The following SSX2IP variants were observed in gnomAD, a reference collection of about 807,000 sequenced individuals.
SSX2IP encodes SSX family member 2 interacting protein.
Under a neutral mutation model 84.9 loss-of-function variants are expected in SSX2IP, and 55 were observed. That is an observed-to-expected ratio of 0.65 (90% CI 0.52 to 0.81). The LOEUF (loss-of-function observed/expected upper bound fraction) is 0.81, where lower values mean the gene tolerates loss of function less well. SSX2IP is among the 30% of genes least tolerant of loss of function. The probability of loss-of-function intolerance (pLI) is 0.00; values close to 1 mark genes in which losing one functional copy is unlikely to be tolerated. For synonymous variants in SSX2IP, 239 were observed against 234.7 expected (o/e 1.02, Z -0.17); for missense variants, 664 against 705.2 (o/e 0.94, Z 0.66).
At chr1:84,667,830 T>G (rs1652975556) in intron 4 of SSX2IP, among the ~76,000 whole-genome samples, 1 of 152,122 alleles carries the variant, frequency 6.6e-6, no homozygotes, top group Admixed American at 6.6e-5. Context: ...AGGTGTTACC[T>G]CTCCATGAAG....
intron 11 of SSX2IP, among the ~76,000 whole-genome samples, chr1:84,653,986 C>T (rs1427093764): frequency 1.3e-5 from 2 of 151,852 alleles, no homozygotes; most frequent in Non-Finnish European, 2.9e-5. Flanking sequence ...GTGGCTAAAG[C>T]AAATAATAAA....
intron 2 of SSX2IP, 151 bp downstream of exon 2, chr1:84,671,026 T>C (rs1653497425): frequency 1.0e-6 from 1 of 1,003,198 alleles, no homozygotes; most frequent in African/African-American, 1.6e-5. Flanking sequence ...AATACAGTGG[T>C]GTTCTCAGTA....
intron 6 of SSX2IP, among the ~76,000 whole-genome samples, chr1:84,663,285 A>G (rs1363312137): frequency 6.6e-6 from 1 of 152,230 alleles, no homozygotes; most frequent in African/African-American, 2.4e-5. Flanking sequence ...ACCAGGAAAC[A>G]GCCAGACCGC....
intron 7 of SSX2IP, 33 bp from the exon 8 acceptor site, chr1:84,662,408 G>C: frequency 6.2e-7 from 1 of 1,609,624 alleles, no homozygotes; most frequent in Non-Finnish European, 8.5e-7. Flanking sequence ...GAAAATGCAG[G>C]ATAGAAGGAA....
chr1:84,650,626 G>A, intron 12 of SSX2IP, 99 bp from the exon 13 acceptor site: 3 of 1,257,834 alleles, frequency 2.4e-6, no homozygotes, highest in Non-Finnish European at 3.4e-6. Flanking sequence ...GGTTCTGAGT[G>A]AGGAAAGAGA....
rs3768246 is a variant in SSX2IP at position 84,657,901 on chromosome 1, A to C, written c.1078+417T>G. 1.4e-3 allele frequency among the ~76,000 whole-genome samples: 216 copies of C among 152,292 alleles called. 7 individuals carry two copies. The East Asian group carries it at 0.036, about 25-fold the overall frequency. Reference sequence around the variant, plus strand: ...TAATCCAGACACTCTGGGGAGGCCAAGGCAGGTGAATCACTTGAGGCCAGG... The same window carrying C: ...TAATCCAGACACTCTGGGGAGGCCACGGCAGGTGAATCACTTGAGGCCAGG... On this transcript the variant is annotated intron_variant, in intron 9 of 13. Coordinates refer to ENST00000342203, the MANE Select transcript of SSX2IP (RefSeq NM_001166293.2).
At chr1:84,655,271 T>G (rs1650908657) in intron 11 of SSX2IP, 1 of 1,016,166 alleles carries the variant, frequency 9.8e-7, no homozygotes, top group South Asian at 2.7e-5. Context: ...AGGAGGATAC[T>G]TTCTTACTTT....
intron 1 of SSX2IP, among the ~76,000 whole-genome samples, chr1:84,680,636 C>T (rs554713012): frequency 6.6e-6 from 1 of 151,580 alleles, no homozygotes; most frequent in South Asian, 2.1e-4. Flanking sequence ...CTAATATGAG[C>T]TTATTTAGTC....
Position 84,656,228 on chromosome 1 carries a change from A to T in SSX2IP, c.1215+120T>A, listed in dbSNP as rs893151979. On this transcript the variant is annotated intron_variant, in intron 10 of 13. Coordinates refer to ENST00000342203, the MANE Select transcript of SSX2IP (RefSeq NM_001166293.2). ...CACAATGTATCTGTTAGCAGGGAAC[A>T]CAGACTAGAAATCTGTCAAATACCA... The T allele has an allele frequency of 3.7e-6, 4 of 1,091,886 alleles. No homozygotes were observed. The Admixed American group carries it at 7.9e-5, about 22-fold the overall frequency. The allele number at this position is 1,091,886 out of a possible 1,614,324, so 67.6% of individuals were successfully genotyped here. A position where few individuals can be genotyped will look rare whatever the true frequency, so the allele number is the denominator to read the frequency against.
chr1:84,660,977 G>GA (rs935642206), intron 8 of SSX2IP, among the ~76,000 whole-genome samples: 2 of 149,938 alleles, frequency 1.3e-5, no homozygotes, highest in African/African-American at 4.9e-5. Flanking sequence ...TGAGGCAGAG[G>GA]AATCACTTGA....
Position 84,669,760 on chromosome 1 carries a change from G to A in SSX2IP, c.347C>T (p.Ala116Val). ...ATTCTGTGTCTCCACATTTTCCTGA[G>A]CTAGAAGGTTCTTCCGCTGAAGCAC... Reference protein sequence around the residue: ...LLVLQRKNLLAQENVETQNLK... With the variant: ...LLVLQRKNLLVQENVETQNLK... Residue 116 changes from alanine to valine, a missense_variant, in exon 4 of 14, where the codon GCT (alanine) becomes GTT (valine). Coordinates refer to ENST00000342203, the MANE Select transcript of SSX2IP (RefSeq NM_001166293.2). 6.2e-7 allele frequency: 1 copy of A among 1,613,778 alleles called. No individual in the cohort carries two copies. Among genetic ancestry groups the A allele is most frequent in the Non-Finnish European group, 8.5e-7 (1 of 1,179,808 alleles).
At position 84,650,361 on chromosome 1, in the gene SSX2IP, C is replaced by T. The variant is rs763645382; in HGVS notation, c.1670+1G>A. 6 of 1,614,102 alleles carry T rather than the reference C, an allele frequency of 3.7e-6. No homozygotes were observed. Among genetic ancestry groups the T allele is most frequent in the Non-Finnish European group, 5.1e-6 (6 of 1,180,014 alleles). ...TGAAAAGATCACCTATAGACAAATA[C>T]CTATGTTCAGATATGCAGGAACGTG... is the stretch of plus-strand genomic sequence containing the variant. On this transcript the variant is annotated splice_donor_variant, in intron 13 of 13. Coordinates refer to ENST00000342203, the MANE Select transcript of SSX2IP (RefSeq NM_001166293.2). LOFTEE classifies it high-confidence loss of function.
chr1:84,650,584 G>T, intron 12 of SSX2IP, 57 bp from the exon 13 acceptor site: 2 of 1,576,854 alleles, frequency 1.3e-6, no homozygotes, highest in Non-Finnish European at 1.7e-6. Flanking sequence ...ATTAAATATA[G>T]TGAAGGTAAA....
intron 1 of SSX2IP, among the ~76,000 whole-genome samples, chr1:84,673,826 T>A (rs1446751568): frequency 6.6e-6 from 1 of 152,176 alleles, no homozygotes; most frequent in African/African-American, 2.4e-5. Flanking sequence ...TGATGTTACA[T>A]GTCATATTAC....
At chr1:84,647,896 G>T (rs183331670) in intron 13 of SSX2IP, among the ~76,000 whole-genome samples, 1 of 151,826 alleles carries the variant, frequency 6.6e-6, no homozygotes, top group Admixed American at 6.6e-5. Context: ...AAATTAGCTG[G>T]GAGTAGTAGT....
In SSX2IP at chr1:84,650,500, T is replaced by C. The variant is rs745791525; in HGVS notation, c.1532A>G (p.His511Arg). 1.5e-5 allele frequency: 25 copies of C among 1,613,914 alleles called. No individual in the cohort carries two copies. In the Middle Eastern group the frequency reaches 6.6e-4, roughly 42 times the overall value. Residue 511 changes from histidine (H) to arginine (R), a missense_variant, in exon 13 of 14, where the codon CAC becomes CGC. His to Arg is a conservative substitution (Grantham distance 29). Transcript: ENST00000342203. Reference protein sequence around the residue: ...GSSDWDNLIVHSRQPQKKPHS... With the variant: ...GSSDWDNLIVRSRQPQKKPHS... ...AGGCTTCTTTTGCGGCTGCCTCGAGTGCACTATAAGATTGTCCCAATCAGA... is the reference window on the plus strand; with the variant it reads ...AGGCTTCTTTTGCGGCTGCCTCGAGCGCACTATAAGATTGTCCCAATCAGA...
In SSX2IP at chr1:84,645,597, T is replaced by C. The variant is rs1203388464; in HGVS notation, c.*1836A>G. 6.6e-6 allele frequency: 1 copy of C among 152,204 alleles called. No individual in the cohort carries two copies. The highest frequency in any genetic ancestry group is 1.9e-4 in the East Asian group (1 of 5,206). The allele number at this position is 152,204 out of a possible 1,614,324, so 9.4% of individuals were successfully genotyped here. On this transcript the variant is annotated 3_prime_UTR_variant, in exon 14 of 14. Coordinates refer to ENST00000342203, the MANE Select transcript of SSX2IP (RefSeq NM_001166293.2). ...TACTTTAAAAATTAGAGTGCTTATT[T>C]CTTGCAAAGTACACCATGGAAAACC...
chr1:84,667,677 G>A (rs1056073809), intron 4 of SSX2IP, among the ~76,000 whole-genome samples: 13 of 151,950 alleles, frequency 8.6e-5, no homozygotes, highest in Non-Finnish European at 1.9e-4. Flanking sequence ...CATACCCATC[G>A]CAGCCCCAAC....
chr1:84,675,436 A>C (rs992431386), intron 1 of SSX2IP, among the ~76,000 whole-genome samples: 1 of 152,208 alleles, frequency 6.6e-6, no homozygotes. Flanking sequence ...TGAAATCACT[A>C]AGCCAAAGGG....
Sources: allele counts gnomAD v4.1 joint callset (sites outside exome capture counted in the v4.1 genomes callset), GRCh38; gene constraint gnomAD v4.1.1; transcripts MANE v1.5; gene names NCBI Gene and HGNC (gene_info 2026-07-23, HGNC 2026-07-21).